Variants in SETX observed in about 807,000 individuals in gnomAD.
SETX encodes helicase senataxin.
Under a neutral mutation model 227.2 loss-of-function variants are expected in SETX, and 90 were observed. That is an observed-to-expected ratio of 0.40 (90% CI 0.33 to 0.47). The LOEUF is 0.47. Ranked by LOEUF, SETX falls within the 20% of genes least tolerant of loss-of-function variation. The pLI, the probability that SETX is intolerant of heterozygous loss-of-function variation, is 0.91. For synonymous variants in SETX, 1,210 were observed against 1,113.2 expected (o/e 1.09, Z -1.73); for missense variants, 3,052 against 3,181.5 (o/e 0.96, Z 0.98).
At chr9:132,292,415 C>CAAAAAAAAA (rs60253119) in intron 15 of SETX, among the ~76,000 whole-genome samples, 24 of 61,018 alleles carry the variant, frequency 3.9e-4, no homozygotes, top group South Asian at 1.1e-3. Flanking sequence ...AGCTGGGGTA[C>CAAAAAAAAA]AAAAAAAAAA....
intron 11 of SETX, among the ~76,000 whole-genome samples, chr9:132,303,343 A>G (rs1330439841): frequency 2.0e-5 from 3 of 151,606 alleles, no homozygotes; most frequent in Non-Finnish European, 4.4e-5. Context: ...AAAAAGCAAA[A>G]AAAAAAAAAA....
At chr9:132,351,634 G>T (rs1440057016) in intron 2 of SETX, among the ~76,000 whole-genome samples, 1 of 152,206 alleles carries the variant, frequency 6.6e-6, no homozygotes, top group Non-Finnish European at 1.5e-5. Flanking sequence ...TCAAAAGGCT[G>T]TGTGTGTGGT....
rs539885736 is a variant in SETX, at chr9:132,330,582, G to A, written c.1099-83C>T. ...ACACCCAAGTCGTTAAGAAAAATAC[G>A]TTTCTCAACTCTCTTATTTTGGTTT... On this transcript the variant is annotated intron_variant, in intron 9 of 25. Coordinates refer to ENST00000224140, the MANE Select transcript of SETX (RefSeq NM_015046.7). The A allele has an allele frequency of 8.2e-5, 94 of 1,152,016 alleles. 2 individuals are homozygous for A. The highest frequency in any genetic ancestry group is 6.8e-4 in the South Asian group (53 of 77,584). The allele number at this position is 1,152,016 out of a possible 1,614,324, so 71.4% of individuals were successfully genotyped here. A position where few individuals can be genotyped will look rare whatever the true frequency, so the allele number is the denominator to read the frequency against.
intron 7 of SETX, among the ~76,000 whole-genome samples, chr9:132,332,933 AG>A (rs1215480244): frequency 2.2e-4 from 34 of 151,236 alleles, no homozygotes; most frequent in African/African-American, 8.3e-4. Flanking sequence ...AAAAAAAAAA[AG>A]GTGTTTGTTT....
At position 132,312,131 on chromosome 9, in the gene SETX, C is replaced by G. The variant is rs181147663; in HGVS notation, c.5275-275G>C. Among the ~76,000 whole-genome samples the G allele has an allele frequency of 5.3e-5, 8 of 152,340 alleles. No homozygotes were observed. The East Asian group carries it at 1.3e-3, about 26-fold the overall frequency. The stretch of plus-strand genomic sequence containing the variant: ...TAGTCACACTTGCAGTGCTCAACAG[C>G]CACCTGTGGCTGCTCCGCTGTGGGC... On this transcript the variant is annotated intron_variant, in intron 10 of 25. Coordinates refer to ENST00000224140, the MANE Select transcript of SETX (RefSeq NM_015046.7).
At chr9:132,335,628 C>A (rs1042162238) in intron 6 of SETX, among the ~76,000 whole-genome samples, 2 of 151,800 alleles carry the variant, frequency 1.3e-5, no homozygotes, top group African/African-American at 4.8e-5. Context: ...CAGGCGTGCA[C>A]CACCATGCCC....
intron 2 of SETX, among the ~76,000 whole-genome samples, chr9:132,351,232 T>C (rs939106606): frequency 2.0e-5 from 3 of 151,486 alleles, no homozygotes; most frequent in African/African-American, 7.3e-5. Context: ...TTCATGGAGG[T>C]TTCTCAAACA....
At chr9:132,301,639 T>A (rs1471115411) in intron 11 of SETX, among the ~76,000 whole-genome samples, 2 of 152,140 alleles carry the variant, frequency 1.3e-5, no homozygotes, top group Non-Finnish European at 2.9e-5. Flanking sequence ...GCTGTACAGG[T>A]TGGCAGACTA....
Position 132,297,047 on chromosome 9 carries a change from T to C in SETX, c.5789A>G (p.Tyr1930Cys). Reference sequence around the variant, plus strand: ...TTGATCTTCATTGAAATCTCTTAAGTACGCAATCTATATAAAAAACACATT... The same window carrying C: ...TTGATCTTCATTGAAATCTCTTAAGCACGCAATCTATATAAAAAACACATT... ...LTTTSERIIA[Y>C]LRDFNEDQKK... The change falls in exon 14 of 26, where the codon TAC becomes TGC. Residue 1930 changes from tyrosine (Y) to cysteine (C), a missense_variant. Tyr to Cys is a radical substitution (Grantham distance 194). Around this residue, in one of 10 missense-constraint regions of SETX, gnomAD observed 239 missense variants for 272.1 expected, o/e 0.88. Coordinates refer to ENST00000224140, the MANE Select transcript of SETX (RefSeq NM_015046.7). 6.2e-7 allele frequency: 1 copy of C among 1,611,688 alleles called. No homozygotes were observed. The highest frequency in any genetic ancestry group is 8.5e-7 in the Non-Finnish European group (1 of 1,178,516).
At chr9:132,267,925 A>C (rs1220149475) in intron 25 of SETX, among the ~76,000 whole-genome samples, 1 of 152,238 alleles carries the variant, frequency 6.6e-6, no homozygotes, top group African/African-American at 2.4e-5. Flanking sequence ...AGGGAGGATG[A>C]AAAACAGTAG....
chr9:132,310,808 CTGAG>C (rs1230482500), intron 11 of SETX, among the ~76,000 whole-genome samples: 4 of 152,324 alleles, frequency 2.6e-5, no homozygotes, highest in South Asian at 2.1e-4. Flanking sequence ...CATCTATCTA[CTGAG>C]TGTGACGATG....
chr9:132,339,094 CTCTT>C (rs1184063014), intron 5 of SETX, among the ~76,000 whole-genome samples: 1 of 152,168 alleles, frequency 6.6e-6, no homozygotes, highest in Non-Finnish European at 1.5e-5. Flanking sequence ...TATTTTCACT[CTCTT>C]TATGGTATTT....
In SETX at chr9:132,262,265, T is replaced by C. The variant is rs1410226901; in HGVS notation, c.*1974A>G. The C allele has an allele frequency of 6.6e-6, 1 of 152,240 alleles. No homozygotes were observed. The highest frequency in any genetic ancestry group is 1.5e-5 in the Non-Finnish European group (1 of 68,042). The allele number at this position is 152,240 out of a possible 1,614,324, so 9.4% of individuals were successfully genotyped here. ...TAGAGAAAACTTATTTCTCAAATCA[T>C]GTGTTAATAGTATTAACATGAGCAG... On this transcript the variant is annotated 3_prime_UTR_variant, in exon 26 of 26. Coordinates refer to ENST00000224140, the MANE Select transcript of SETX (RefSeq NM_015046.7).
At position 132,264,548 on chromosome 9, in the gene SETX, C is replaced by T. The variant is rs201695580; in HGVS notation, c.7725G>A (p.Pro2575=). ...GGTCCTGGTGAACGACAGGGAAGCC[C>T]GGCTCGCCCGTAGGAGGTGTTGCTC... is the stretch of plus-strand genomic sequence containing the variant. ...HPGATPPTGE[P]GFPVVHQDLS... Residue 2575 remains proline, a synonymous_variant, in exon 26 of 26, where the codon CCG becomes CCA. Transcript: ENST00000224140. The T allele has an allele frequency of 7.5e-5, 121 of 1,613,846 alleles. No homozygotes were observed. The highest frequency in any genetic ancestry group is 8.6e-5 in the Non-Finnish European group (102 of 1,179,992).
chr9:132,305,316 T>TA (rs1845266224), intron 11 of SETX, among the ~76,000 whole-genome samples: 1 of 130,790 alleles, frequency 7.6e-6, no homozygotes, highest in African/African-American at 3.1e-5. Context: ...ATTGTGCCAC[T>TA]GCACTCCCGC....
rs200287592 is a variant in SETX at position 132,264,487 on chromosome 9, C to A, written c.7786G>T (p.Ala2596Ser). The A allele has an allele frequency of 1.1e-5, 17 of 1,613,812 alleles. No homozygotes were observed. The African/African-American group carries it at 2.1e-4, about 20-fold the overall frequency. The change falls in exon 26 of 26, where the codon GCT becomes TCT. Residue 2596 changes from alanine (A) to serine (S), a missense_variant. Ala to Ser is a moderately conservative substitution (Grantham distance 99). Transcript: ENST00000224140. Reference protein sequence around the residue: ...HIQQPAAVVAALSSHKPPVRG... With the variant: ...HIQQPAAVVASLSSHKPPVRG... ...ACGGGAGGTTTGTGGCTGCTCAGAG[C>A]AGCCACTACAGCAGCGGGCTGCTGT...
intron 4 of SETX, among the ~76,000 whole-genome samples, chr9:132,344,808 G>A (rs1440222420): frequency 1.3e-5 from 2 of 150,684 alleles, no homozygotes. Context: ...CCAGGAGGCA[G>A]AGGGTGCAGT....
chr9:132,356,643 G>C (rs1405913686), upstream of SETX, among the ~76,000 whole-genome samples: 1 of 152,158 alleles, frequency 6.6e-6, no homozygotes, highest in African/African-American at 2.4e-5. Context: ...GGGCCAGCTT[G>C]GGAAAAGTGG....
At chr9:132,307,017 G>GGCTT (rs1221590326) in intron 11 of SETX, among the ~76,000 whole-genome samples, 1 of 152,230 alleles carries the variant, frequency 6.6e-6, no homozygotes, top group Non-Finnish European at 1.5e-5. Context: ...CACTTTGGGA[G>GGCTT]GCCAAGGCAG....
Sources: allele counts gnomAD v4.1 joint callset (sites outside exome capture counted in the v4.1 genomes callset), GRCh38; gene constraint gnomAD v4.1.1; regional missense constraint gnomAD v4.1.1; transcripts MANE v1.5; gene names NCBI Gene and HGNC (gene_info 2026-07-23, HGNC 2026-07-21).